ROR1: variants seen among roughly 807,000 people sequenced by gnomAD.
ROR1 encodes ROR family WNT receptor 1, also known as inactive tyrosine-protein kinase transmembrane receptor ROR1.
Under a neutral mutation model 78.8 loss-of-function variants are expected in ROR1, and 19 were observed. That is an observed-to-expected ratio of 0.24 (90% CI 0.17 to 0.35). The LOEUF (loss-of-function observed/expected upper bound fraction) is 0.35. Among genes scored for constraint, ROR1 ranks in the 10% least tolerant of loss-of-function variants. ROR1 has a pLI of 1.00. For synonymous variants in ROR1, 386 were observed against 433.6 expected (o/e 0.89, Z 1.36); for missense variants, 917 against 1,177.8 (o/e 0.78, Z 3.24).
At chr1:64,002,403 C>A (rs1295560468) in intron 1 of ROR1, among the ~76,000 whole-genome samples, 1 of 152,118 alleles carries the variant, frequency 6.6e-6, no homozygotes, top group South Asian at 2.1e-4. Context: ...GGATTACAGG[C>A]GTGAGCCATT....
At chr1:64,119,112 AT>A (rs750886007) in intron 4 of ROR1, among the ~76,000 whole-genome samples, 2 of 152,098 alleles carry the variant, frequency 1.3e-5, no homozygotes, top group African/African-American at 4.8e-5. Flanking sequence ...ATTTCAATTA[AT>A]TTTTTTCACA....
chr1:64,123,368 ATGT>A (rs1464324032), intron 4 of ROR1, among the ~76,000 whole-genome samples: 1 of 152,182 alleles, frequency 6.6e-6, no homozygotes, highest in Non-Finnish European at 1.5e-5. Flanking sequence ...TGTCTTTGAC[ATGT>A]TGGATTTAAG....
chr1:64,082,579 C>T (rs1647112676), intron 4 of ROR1, among the ~76,000 whole-genome samples: 1 of 152,218 alleles, frequency 6.6e-6, no homozygotes, highest in Admixed American at 6.5e-5. Context: ...GCTGCAGCCC[C>T]TTGGGGATCG....
intron 1 of ROR1, among the ~76,000 whole-genome samples, chr1:64,005,304 C>G (rs1436987293): frequency 6.6e-6 from 1 of 152,144 alleles, no homozygotes; most frequent in Non-Finnish European, 1.5e-5. Flanking sequence ...CTTTGCTGCT[C>G]CCATTTTATG....
At chr1:64,124,418 C>G (rs1648643563) in intron 4 of ROR1, among the ~76,000 whole-genome samples, 1 of 152,012 alleles carries the variant, frequency 6.6e-6, no homozygotes, top group Admixed American at 6.6e-5. Flanking sequence ...CTCCATCTGC[C>G]CCTTTTTCTT....
intron 1 of ROR1, among the ~76,000 whole-genome samples, chr1:63,964,341 G>T (rs1646056771): frequency 1.3e-5 from 2 of 152,158 alleles, no homozygotes; most frequent in African/African-American, 4.8e-5. Context: ...TCAGTGTCTT[G>T]TTGGCTTCCC....
chr1:63,844,513 A>G (rs564147440), intron 1 of ROR1, among the ~76,000 whole-genome samples: 97 of 152,292 alleles, frequency 6.4e-4, no homozygotes, highest in South Asian at 1.7e-3. Flanking sequence ...AGCACATAGC[A>G]TGTGTTGAAA....
intron 1 of ROR1, among the ~76,000 whole-genome samples, chr1:64,005,522 C>T (rs1318586387): frequency 6.6e-6 from 1 of 152,180 alleles, no homozygotes; most frequent in East Asian, 1.9e-4. Context: ...GGAAATGTCT[C>T]ATGCTTTTGC....
chr1:64,151,718 C>A (rs1454549868), intron 7 of ROR1, among the ~76,000 whole-genome samples: 2 of 146,472 alleles, frequency 1.4e-5, no homozygotes, highest in African/African-American at 2.5e-5. Flanking sequence ...ACTAAAAATA[C>A]AAAAAAAAAA....
intron 4 of ROR1, among the ~76,000 whole-genome samples, chr1:64,069,266 A>G (rs1646982178): frequency 6.6e-6 from 1 of 152,140 alleles, no homozygotes; most frequent in African/African-American, 2.4e-5. Flanking sequence ...TTTGCACAAC[A>G]AACTTTTTTG....
At chr1:63,864,652 A>G (rs1199549405) in intron 1 of ROR1, among the ~76,000 whole-genome samples, 1 of 152,136 alleles carries the variant, frequency 6.6e-6, no homozygotes, top group Non-Finnish European at 1.5e-5. Flanking sequence ...ATTAGGATAT[A>G]GCTCCCCATT....
intron 7 of ROR1, among the ~76,000 whole-genome samples, chr1:64,155,170 A>G (rs1272231633): frequency 6.6e-6 from 1 of 152,218 alleles, no homozygotes; most frequent in East Asian, 1.9e-4. Flanking sequence ...GTGTAAAGTC[A>G]AGATAACACC....
intron 7 of ROR1, among the ~76,000 whole-genome samples, chr1:64,157,627 G>A (rs780922489): frequency 3.3e-5 from 5 of 152,192 alleles, no homozygotes; most frequent in Middle Eastern, 3.4e-3. Context: ...ACTACATATG[G>A]TTTATTCTCA....
Position 63,823,121 on chromosome 1 carries a change from A to T in ROR1, c.91+48613A>T, listed in dbSNP as rs369061711. ...ACTGGTGATGTTAAAAATCTTTTAA[A>T]ATATTTTTTGTCATTTGTATTTCTT... On this transcript the variant is annotated intron_variant, in intron 1 of 8. Transcript: ENST00000371079. Among the ~76,000 whole-genome samples the T allele has an allele frequency of 2.6e-5, 4 of 152,134 alleles. No homozygotes were observed. The East Asian group carries it at 5.8e-4, about 22-fold the overall frequency.
At chr1:64,093,946 C>T (rs964528671) in intron 4 of ROR1, among the ~76,000 whole-genome samples, 1 of 152,170 alleles carries the variant, frequency 6.6e-6, no homozygotes, top group Non-Finnish European at 1.5e-5. Flanking sequence ...GCCCATTTTA[C>T]AGAAAGGTTA....
rs112423773 is a variant in ROR1 at position 64,014,713 on chromosome 1, C to CTA, written c.163+5350_163+5351dup. ...GCAAATAGTTCTCTGTGCTGACAGACTATATATATATATACACATACGCAC... is the reference window on the plus strand; with the variant it reads ...GCAAATAGTTCTCTGTGCTGACAGACTATATATATATATATACACATACGCAC... On this transcript the variant is annotated intron_variant, in intron 2 of 8. Transcript: ENST00000371079. Among the ~76,000 whole-genome samples the CTA allele has an allele frequency of 9.9e-3, 291 of 29,314 alleles. 20 individuals carry two copies. The highest frequency in any genetic ancestry group is 0.019 in the Middle Eastern group (1 of 52). The allele number at this position is 29,314 out of a possible 152,430, so 19.2% of individuals were successfully genotyped here. A position where few individuals can be genotyped will look rare whatever the true frequency, so the allele number is the denominator to read the frequency against.
intron 1 of ROR1, among the ~76,000 whole-genome samples, chr1:63,874,723 C>T (rs1557538682): frequency 1.3e-5 from 2 of 152,086 alleles, no homozygotes; most frequent in Non-Finnish European, 1.5e-5. Flanking sequence ...GTGGTTAAGG[C>T]CCTCTTGACA....
intron 1 of ROR1, among the ~76,000 whole-genome samples, chr1:63,814,240 A>C (rs1303631820): frequency 1.3e-5 from 2 of 152,212 alleles, no homozygotes; most frequent in Non-Finnish European, 2.9e-5. Context: ...AAAGTCGTTC[A>C]TCAAAATCTC....
chr1:64,031,908 C>T (rs1646663045), intron 2 of ROR1, among the ~76,000 whole-genome samples: 1 of 151,758 alleles, frequency 6.6e-6, no homozygotes, highest in South Asian at 2.1e-4. Context: ...TGCTATGAAA[C>T]TCTTTTTTTT....
Sources: allele counts gnomAD v4.1 joint callset (sites outside exome capture counted in the v4.1 genomes callset), GRCh38; gene constraint gnomAD v4.1.1; transcripts MANE v1.5; gene names NCBI Gene and HGNC (gene_info 2026-07-23, HGNC 2026-07-21).